The following MYT1L variants were observed in gnomAD, a reference collection of about 807,000 sequenced individuals.
The protein encoded by MYT1L is myelin transcription factor 1-like protein.
A neutral mutation model predicts 126.7 loss-of-function variants in MYT1L; 12 were observed. That is an observed-to-expected ratio of 0.09 (90% CI 0.06 to 0.15). The LOEUF is 0.15. MYT1L is among the 10% of genes least tolerant of loss of function. The pLI, the probability that MYT1L is intolerant of heterozygous loss-of-function variation, is 1.00. For missense variants in MYT1L, 979 were observed against 1,585.2 expected (o/e 0.62, Z 6.49); for synonymous variants, 541 against 604.2 (o/e 0.90, Z 1.53).
chr2:2,067,388 T>C (rs1411316852), intron 3 of MYT1L, among the ~76,000 whole-genome samples: 1 of 152,180 alleles, frequency 6.6e-6, no homozygotes, highest in African/African-American at 2.4e-5. Context: ...AAGATGGAAC[T>C]GTATTCTCAC....
chr2:2,279,276 T>C (rs375229771), intron 2 of MYT1L, among the ~76,000 whole-genome samples: 3 of 152,298 alleles, frequency 2.0e-5, no homozygotes, highest in South Asian at 4.1e-4. Context: ...ACTTTTCCTA[T>C]ATTTCAAGGC....
At chr2:2,159,927 C>G (rs774911428) in intron 3 of MYT1L, among the ~76,000 whole-genome samples, 2 of 152,114 alleles carry the variant, frequency 1.3e-5, no homozygotes, top group Non-Finnish European at 2.9e-5. Flanking sequence ...CCAAAGTGCT[C>G]AGGTGCTGGG....
chr2:2,098,717 A>G (rs1321254217), intron 3 of MYT1L, among the ~76,000 whole-genome samples: 1 of 152,214 alleles, frequency 6.6e-6, no homozygotes, highest in Admixed American at 6.5e-5. Flanking sequence ...AAAAAAAGAA[A>G]CACAAACATT....
rs1341366889 is a variant in MYT1L at position 2,059,924 on chromosome 2, C to T, written c.-303-5801G>A. On this transcript the variant is annotated intron_variant, in intron 3 of 24. Coordinates refer to ENST00000647738, the MANE Select transcript of MYT1L (RefSeq NM_001303052.2). The surrounding 1 kb of genome is among the most constrained non-coding windows in gnomAD (Gnocchi z 4.7). ...AGCATACCATGCTGTAACTGTAGATCTCCTAAGCGGCACCCCAACCCCACC... is the reference window on the plus strand; with the variant it reads ...AGCATACCATGCTGTAACTGTAGATTTCCTAAGCGGCACCCCAACCCCACC... Among the ~76,000 whole-genome samples, 1 of 152,174 alleles carries T rather than the reference C, an allele frequency of 6.6e-6. No homozygotes were observed. Among genetic ancestry groups the T allele is most frequent in the East Asian group, 1.9e-4 (1 of 5,192 alleles).
chr2:1,802,073 G>A (rs143295741), intron 22 of MYT1L: 424 of 314,316 alleles, frequency 1.3e-3, no homozygotes, highest in Non-Finnish European at 2.1e-3. Flanking sequence ...CCCAGGGACA[G>A]TTAACCTGGG....
intron 3 of MYT1L, among the ~76,000 whole-genome samples, chr2:2,167,831 C>G (rs1160019609): frequency 6.6e-6 from 1 of 152,178 alleles, no homozygotes; most frequent in East Asian, 1.9e-4. Flanking sequence ...TATACTCTCA[C>G]CCTTATTAAA....
chr2:1,993,767 T>C (rs796414669), intron 5 of MYT1L, among the ~76,000 whole-genome samples: 4 of 152,342 alleles, frequency 2.6e-5, no homozygotes, highest in African/African-American at 9.6e-5. Flanking sequence ...CATGTGATCA[T>C]GCTGGTTTCT....
At chr2:1,896,454 A>G (rs1450546146) in intron 14 of MYT1L, among the ~76,000 whole-genome samples, 2 of 152,218 alleles carry the variant, frequency 1.3e-5, no homozygotes, top group Non-Finnish European at 2.9e-5. Flanking sequence ...TCAGTGGTGG[A>G]TTAGATAAAG....
chr2:2,186,888 G>A (rs2092250958), intron 2 of MYT1L, among the ~76,000 whole-genome samples: 1 of 151,986 alleles, frequency 6.6e-6, no homozygotes, highest in South Asian at 2.1e-4. Flanking sequence ...GTCTTTATTG[G>A]CACTGATTTA....
intron 1 of MYT1L, among the ~76,000 whole-genome samples, chr2:2,309,382 C>T (rs966479138): frequency 6.6e-6 from 1 of 151,786 alleles, no homozygotes; most frequent in African/African-American, 2.4e-5. Context: ...CTTCAGTATA[C>T]TCTGTCTATC....
At position 1,929,490 on chromosome 2, in the gene MYT1L, C is replaced by T. The variant is rs1001938517; in HGVS notation, c.506-6227G>A. ...TCTTCCCTGCCAGGCCGCACTGTCC[C>T]TGGCTCCGCTCTAGCCATCACCGTC... On this transcript the variant is annotated intron_variant, in intron 9 of 24. Coordinates refer to ENST00000647738, the MANE Select transcript of MYT1L (RefSeq NM_001303052.2). The surrounding 1 kb of genome is among the most constrained non-coding windows in gnomAD (Gnocchi z 4.7). Among the ~76,000 whole-genome samples the T allele has an allele frequency of 4.6e-5, 7 of 152,224 alleles. No homozygotes were observed. Among genetic ancestry groups the T allele is most frequent in the African/African-American group, 1.7e-4 (7 of 41,460 alleles).
chr2:2,234,557 C>A (rs7604779), intron 2 of MYT1L, among the ~76,000 whole-genome samples: 72,578 of 152,008 alleles, frequency 0.48, 17,725 homozygotes, highest in East Asian at 0.63. Flanking sequence ...GGCGTGGAAC[C>A]CCTGCAGCTC....
chr2:1,956,546 TATCA>T (rs2058458352), intron 8 of MYT1L, among the ~76,000 whole-genome samples: 2 of 147,312 alleles, frequency 1.4e-5, no homozygotes, highest in African/African-American at 2.5e-5. Context: ...TCTATCTATC[TATCA>T]TCTATCCTAT....
Position 1,862,913 on chromosome 2 carries a change from G to A in MYT1L, c.2712-11210C>T, listed in dbSNP as rs143633456. On this transcript the variant is annotated intron_variant, in intron 18 of 24. Transcript: ENST00000647738. The stretch of plus-strand genomic sequence containing the variant: ...TGGGAGAAGAAGGAGAAAGGAGGAG[G>A]AGAGGAGAGGAGGAGCTGCTGCAGG... Among the ~76,000 whole-genome samples the A allele has an allele frequency of 1.7e-3, 258 of 152,266 alleles. 2 individuals carry two copies. The highest frequency in any genetic ancestry group is 6.1e-3 in the African/African-American group (252 of 41,540).
chr2:1,801,745 T>C lies in MYT1L; in HGVS notation c.3227A>G (p.Asn1076Ser). The C allele has an allele frequency of 6.2e-7, 1 of 1,612,550 alleles. No homozygotes were observed. The highest frequency in any genetic ancestry group is 8.5e-7 in the Non-Finnish European group (1 of 1,179,218). Residue 1076 changes from asparagine to serine, a missense_variant, in exon 23 of 25, where the codon AAT becomes AGT. By Grantham distance (46) the Asn-to-Ser change is conservative (BLOSUM62 1). Around this residue, in one of 12 missense-constraint regions of MYT1L, gnomAD observed 179 missense variants for 398.6 expected, o/e 0.45. Coordinates refer to ENST00000647738, the MANE Select transcript of MYT1L (RefSeq NM_001303052.2). This position sits in a 1 kb window ranked among gnomAD's most constrained non-coding sequence, Gnocchi z 4.2. ...KQLDEEIKEL[N>S]ESNSQMEADM... Reference sequence around the variant, plus strand: ...GGCTTCCATCTGGGAATTGGATTCATTTAGCTCCTTGATTTCTTCATCTAA... The same window carrying C: ...GGCTTCCATCTGGGAATTGGATTCACTTAGCTCCTTGATTTCTTCATCTAA...
At chr2:2,299,675 C>T (rs1306151023) in intron 1 of MYT1L, among the ~76,000 whole-genome samples, 2 of 152,210 alleles carry the variant, frequency 1.3e-5, no homozygotes, top group African/African-American at 2.4e-5. Context: ...ACCTCAAGCA[C>T]CCGAACTGTT....
intron 9 of MYT1L, among the ~76,000 whole-genome samples, chr2:1,934,291 C>CATATATATATATATATATATATATAT (rs71276815): frequency 1.6e-5 from 2 of 123,556 alleles, no homozygotes; most frequent in African/African-American, 6.0e-5. Context: ...ATTTTTATAA[C>CATATATATATATATATATATATATAT]ATATATATAT....
chr2:1,802,879 A>T (rs1296194298), intron 22 of MYT1L, among the ~76,000 whole-genome samples: 20 of 152,244 alleles, frequency 1.3e-4, no homozygotes. Flanking sequence ...GCCACACAGC[A>T]CCACAATGGA....
intron 2 of MYT1L, among the ~76,000 whole-genome samples, chr2:2,176,482 T>A (rs1332023307): frequency 1.3e-5 from 2 of 151,808 alleles, no homozygotes; most frequent in African/African-American, 2.4e-5. Flanking sequence ...CTGTGCAATA[T>A]CAATATTTAG....
Sources: allele counts gnomAD v4.1 joint callset (sites outside exome capture counted in the v4.1 genomes callset), GRCh38; gene constraint gnomAD v4.1.1; regional missense constraint gnomAD v4.1.1; non-coding constraint Gnocchi (gnomAD v3.1); transcripts MANE v1.5; gene names NCBI Gene and HGNC (gene_info 2026-07-23, HGNC 2026-07-21).